Variants in CCND3 observed in about 807,000 individuals in gnomAD.
The protein encoded by CCND3 is G1/S-specific cyclin-D3.
CCND3 carries 9 observed loss-of-function variants against 28.7 expected under a neutral mutation model. The ratio of observed to expected loss-of-function variants is 0.31; its 90% CI spans 0.19 to 0.55. CCND3 has a LOEUF of 0.55. CCND3 is among the 20% of genes least tolerant of loss of function. The pLI, the probability that CCND3 is intolerant of heterozygous loss-of-function variation, is 0.93. For synonymous variants in CCND3, 164 were observed against 163.9 expected, an observed-to-expected ratio of 1.00 and a Z score of 0.00; for missense variants, 315 against 385.8, an observed-to-expected ratio of 0.82 and a Z score of 1.54.
chr6:41,950,324 T>C (rs1359591532), intron 1 of CCND3, among the ~76,000 whole-genome samples: 1 of 152,064 alleles, frequency 6.6e-6, no homozygotes, highest in Non-Finnish European at 1.5e-5. Context: ...CTGGCAAGCA[T>C]TCCTCATTCT....
intron 1 of CCND3, among the ~76,000 whole-genome samples, chr6:41,966,830 G>A (rs1488727387): frequency 6.6e-6 from 1 of 152,136 alleles, no homozygotes; most frequent in African/African-American, 2.4e-5. Flanking sequence ...TCACTCATTT[G>A]CAGTTGACCC....
chr6:42,015,383 T>C (rs1243399668), intron 1 of CCND3, among the ~76,000 whole-genome samples: 1 of 152,132 alleles, frequency 6.6e-6, no homozygotes, highest in African/African-American at 2.4e-5. Context: ...ATTCAGGTCC[T>C]GCAACTACCC....
intron 1 of CCND3, among the ~76,000 whole-genome samples, chr6:41,972,145 G>C (rs1438893725): frequency 2.0e-5 from 3 of 149,676 alleles, no homozygotes; most frequent in East Asian, 4.0e-4. Flanking sequence ...GGAGAATGGC[G>C]TGAACCTGGG....
At chr6:41,950,637 T>A (rs1292707943) in intron 1 of CCND3, among the ~76,000 whole-genome samples, 1 of 151,960 alleles carries the variant, frequency 6.6e-6, no homozygotes, top group Admixed American at 6.6e-5. Context: ...GTGCCTTCCA[T>A]ACATCAGGCA....
At chr6:42,022,768 G>A (rs1213562330) in intron 1 of CCND3, among the ~76,000 whole-genome samples, 1 of 152,184 alleles carries the variant, frequency 6.6e-6, no homozygotes, top group Non-Finnish European at 1.5e-5. Flanking sequence ...AGCGTAAGGG[G>A]AAAGGTGGCA....
chr6:41,967,685 A>G (rs1486460898), intron 1 of CCND3, among the ~76,000 whole-genome samples: 1 of 152,192 alleles, frequency 6.6e-6, no homozygotes, highest in African/African-American at 2.4e-5. Flanking sequence ...TGGAGTCCAC[A>G]CTGAGGCAAT....
At chr6:41,968,463 G>A (rs989127047) in intron 1 of CCND3, among the ~76,000 whole-genome samples, 5 of 151,886 alleles carry the variant, frequency 3.3e-5, no homozygotes, top group Admixed American at 2.0e-4. Context: ...TAGGAAAATC[G>A]GGCCTGTAAT....
Position 42,048,309 on chromosome 6 carries a change from G to A in CCND3, c.-46+192C>T. The A allele has an allele frequency of 3.1e-6, 1 of 318,528 alleles. No homozygotes were observed. Among genetic ancestry groups the A allele is most frequent in the South Asian group, 2.4e-5 (1 of 41,376 alleles). 19.7% of individuals were successfully genotyped at this position (318,528 alleles called of 1,614,324 possible). On this transcript the variant is annotated intron_variant, in intron 1 of 4. Coordinates refer to the CCND3 transcript ENST00000372988. This position sits in a 1 kb window ranked among gnomAD's most constrained non-coding sequence, Gnocchi z 4.7. Reference sequence around the variant, plus strand: ...CATACAGAGGGCTCAGGGCCTTTGGGGGTTTCTCTGCCCTTCAATTCCGTG... The same window carrying A: ...CATACAGAGGGCTCAGGGCCTTTGGAGGTTTCTCTGCCCTTCAATTCCGTG...
chr6:42,039,295 T>C (rs1205337775), intron 1 of CCND3, among the ~76,000 whole-genome samples: 1 of 152,220 alleles, frequency 6.6e-6, no homozygotes, highest in Non-Finnish European at 1.5e-5. Flanking sequence ...CAAATGTGGC[T>C]CCACTACATG....
intron 1 of CCND3, among the ~76,000 whole-genome samples, chr6:42,002,981 G>A (rs1763057147): frequency 6.6e-6 from 1 of 151,752 alleles, no homozygotes; most frequent in Non-Finnish European, 1.5e-5. Context: ...TGACCAACAT[G>A]GAGAAACCCT....
chr6:41,940,469 G>A lies in CCND3; in HGVS notation c.315C>T (p.Val105=), dbSNP rs1775961258. The A allele has an allele frequency of 1.2e-6, 2 of 1,614,034 alleles. No individual in the cohort carries two copies. Among genetic ancestry groups the A allele is most frequent in the South Asian group, 2.2e-5 (2 of 91,088 alleles). ...GCAGCTTGGAGGCCAGCAGCATGCA[G>A]ACCGCACCCAGGAGCTGCAACTGCG... The part of the protein sequence containing the change: ...RKAQLQLLGA[V]CMLLASKLRE... Residue 105 remains valine (V), a synonymous_variant, in exon 2 of 5, where the codon GTC becomes GTT. Transcript: ENST00000372991.
intron 1 of CCND3, among the ~76,000 whole-genome samples, chr6:41,947,063 C>CA (rs973436107): frequency 2.0e-5 from 3 of 150,680 alleles, no homozygotes; most frequent in Non-Finnish European, 4.4e-5. Flanking sequence ...ACTAAAAATA[C>CA]AAAAAAAATT....
At chr6:42,021,036 G>A (rs1763696580) in intron 1 of CCND3, among the ~76,000 whole-genome samples, 2 of 152,212 alleles carry the variant, frequency 1.3e-5, no homozygotes, top group African/African-American at 4.8e-5. Flanking sequence ...ATAGGCGTGA[G>A]CCACCGTGCC....
At chr6:41,951,489 G>T (rs1433585737) in intron 1 of CCND3, among the ~76,000 whole-genome samples, 2 of 148,734 alleles carry the variant, frequency 1.3e-5, no homozygotes, top group African/African-American at 5.0e-5. Context: ...GTGAACCCGG[G>T]AGGCAGAGCT....
At chr6:41,991,835 A>C (rs758031548) in intron 1 of CCND3, among the ~76,000 whole-genome samples, 83 of 152,164 alleles carry the variant, frequency 5.5e-4, no homozygotes, top group Admixed American at 3.9e-4. Context: ...CGTGTGAGTG[A>C]GAACATGCGG....
intron 1 of CCND3, among the ~76,000 whole-genome samples, chr6:41,984,285 G>T (rs983788680): frequency 2.0e-5 from 3 of 152,138 alleles, no homozygotes; most frequent in Admixed American, 1.3e-4. Context: ...ATACGGATTT[G>T]ATTTCCTTTG....
At position 41,940,895 on chromosome 6, in the gene CCND3, C is replaced by T; in HGVS notation, c.199-310G>A. The stretch of plus-strand genomic sequence containing the variant: ...GAGGGGAAGTGGGACGCAAGGGTCA[C>T]CCATGGTAGCCAGAGAGCTGGGACC... On this transcript the variant is annotated intron_variant, in intron 1 of 4. Transcript: ENST00000372991. 7.3e-6 allele frequency: 11 copies of T among 1,497,944 alleles called. No individual in the cohort carries two copies. The Admixed American group carries it at 1.8e-4, about 25-fold the overall frequency. The allele number at this position is 1,497,944 out of a possible 1,614,324, so 92.8% of individuals were successfully genotyped here.
chr6:42,036,592 C>T (rs114015578), intron 1 of CCND3, among the ~76,000 whole-genome samples: 2 of 150,030 alleles, frequency 1.3e-5, no homozygotes, highest in African/African-American at 2.5e-5. Context: ...TTTGTAGAGA[C>T]AAAATTTTGC....
At chr6:41,965,618 G>A (rs1388878450) in intron 1 of CCND3, among the ~76,000 whole-genome samples, 1 of 152,134 alleles carries the variant, frequency 6.6e-6, no homozygotes, top group Non-Finnish European at 1.5e-5. Context: ...TGGAGAAACG[G>A]AAGGAAACAG....
Sources: gnomAD v4.1 joint callset for allele counts (sites outside exome capture counted in the v4.1 genomes callset) on GRCh38, gnomAD v4.1.1 for gene constraint, Gnocchi (gnomAD v3.1) non-coding constraint, MANE v1.5 for transcripts, NCBI Gene and HGNC (gene_info 2026-07-23, HGNC 2026-07-21) for gene names.